Variants in MCC observed in about 807,000 individuals in gnomAD.
MCC encodes the protein colorectal mutant cancer protein.
MCC carries 90 observed loss-of-function variants against 116.2 expected under a neutral mutation model. That is an observed-to-expected ratio of 0.77 (90% CI 0.65 to 0.92). The LOEUF is 0.92. Ranked by LOEUF, MCC falls within the 40% of genes least tolerant of loss-of-function variation. The probability of loss-of-function intolerance (pLI) is 0.00; values close to 1 mark genes in which losing one functional copy is unlikely to be tolerated. For synonymous variants in MCC, 578 were observed against 510.5 expected, an observed-to-expected ratio of 1.13 and a Z score of -1.78; for missense variants, 1,516 against 1,312.2, an observed-to-expected ratio of 1.16 and a Z score of -2.40.
chr5:113,463,517 G>C (rs140496331), intron 1 of MCC, among the ~76,000 whole-genome samples: 62 of 152,292 alleles, frequency 4.1e-4, no homozygotes, highest in African/African-American at 1.4e-3. Context: ...GAAAAGGAGA[G>C]CTCAAGGATC....
At chr5:113,142,856 G>A (rs1759259194) in intron 5 of MCC, among the ~76,000 whole-genome samples, 1 of 52,064 alleles carries the variant, frequency 1.9e-5, no homozygotes, top group Admixed American at 3.2e-4. Flanking sequence ...CAGCAGGGAT[G>A]CTCGTCTCTA....
intron 8 of MCC, among the ~76,000 whole-genome samples, chr5:113,087,591 G>A (rs1206184609): frequency 6.6e-6 from 1 of 152,144 alleles, no homozygotes; most frequent in Non-Finnish European, 1.5e-5. Flanking sequence ...CCTCCCGGTG[G>A]AGACTTGCAA....
intron 8 of MCC, among the ~76,000 whole-genome samples, chr5:113,097,756 C>A (rs1756116645): frequency 6.6e-6 from 1 of 152,190 alleles, no homozygotes; most frequent in African/African-American, 2.4e-5. Flanking sequence ...CTCCTGGGCT[C>A]AAGCAATCCT....
chr5:113,419,965 T>G (rs1180151662), intron 1 of MCC, among the ~76,000 whole-genome samples: 1 of 151,044 alleles, frequency 6.6e-6, no homozygotes, highest in African/African-American at 2.4e-5. Flanking sequence ...GGCACATGTA[T>G]ACATATGTAA....
Position 113,032,282 on chromosome 5 carries a change from C to G in MCC, c.2757-3226G>C, listed in dbSNP as rs370878995. Among the ~76,000 whole-genome samples the G allele has an allele frequency of 1.1e-4, 16 of 152,194 alleles. No homozygotes were observed. The East Asian group carries it at 1.2e-3, about 11-fold the overall frequency. The stretch of plus-strand genomic sequence containing the variant: ...AATTAGCTGGGTGTGGTGGCGCTTG[C>G]CTGTAATCTCAGCTACTTGGGAGCC... On this transcript the variant is annotated intron_variant, in intron 17 of 18. Transcript: ENST00000408903.
chr5:113,064,399 G>C (rs185648598), intron 13 of MCC, among the ~76,000 whole-genome samples: 1 of 152,346 alleles, frequency 6.6e-6, no homozygotes, highest in African/African-American at 2.4e-5. Flanking sequence ...TGGCCTCAGG[G>C]ACAAGTGTAG....
rs765869488 is a variant in MCC at position 113,023,412 on chromosome 5, T to C, written c.*3890A>G. ...GGATAAGAAAATTTGCTGTATGTTT[T>C]CCTGAAAAATTTTATAGTGTTCTAC... On this transcript the variant is annotated 3_prime_UTR_variant, in exon 19 of 19. Coordinates refer to ENST00000408903, the MANE Select transcript of MCC (RefSeq NM_001085377.2). 1 of 152,230 alleles carries C rather than the reference T, an allele frequency of 6.6e-6. No individual in the cohort carries two copies. The highest frequency in any genetic ancestry group is 1.5e-5 in the Non-Finnish European group (1 of 68,052). 9.4% of individuals were successfully genotyped at this position (152,230 alleles called of 1,614,324 possible). A position where few individuals can be genotyped will look rare whatever the true frequency, so the allele number is the denominator to read the frequency against.
At chr5:113,440,850 T>C (rs1040801636) in intron 1 of MCC, among the ~76,000 whole-genome samples, 1 of 152,222 alleles carries the variant, frequency 6.6e-6, no homozygotes, top group Non-Finnish European at 1.5e-5. Context: ...ATAATTACTA[T>C]GGCTGATAAT....
rs180826617 is a variant in MCC at position 113,109,061 on chromosome 5, A to G, written c.1028-4706T>C. Among the ~76,000 whole-genome samples, 30 of 152,362 alleles carry G rather than the reference A, an allele frequency of 2.0e-4. No homozygotes were observed. The East Asian group carries it at 5.8e-3, about 29-fold the overall frequency. ...CAAGCACTTATCACCACTCACCGCCAGCATCCACATGGCTCCAGACAGAAC... is the reference window on the plus strand; with the variant it reads ...CAAGCACTTATCACCACTCACCGCCGGCATCCACATGGCTCCAGACAGAAC... On this transcript the variant is annotated intron_variant, in intron 6 of 18. Transcript: ENST00000408903.
chr5:113,475,027 T>G (rs1480826036), intron 1 of MCC, among the ~76,000 whole-genome samples: 3 of 152,248 alleles, frequency 2.0e-5, no homozygotes, highest in Non-Finnish European at 4.4e-5. Context: ...TTAAAGGAAA[T>G]GCAGCCACAT....
intron 3 of MCC, among the ~76,000 whole-genome samples, chr5:113,154,765 G>A (rs1243662886): frequency 2.0e-5 from 3 of 152,108 alleles, no homozygotes; most frequent in Admixed American, 2.0e-4. Context: ...CTTTTTTACT[G>A]AAATATAATA....
chr5:113,243,706 CAA>C (rs1491207455), intron 3 of MCC, among the ~76,000 whole-genome samples: 24,245 of 152,104 alleles, frequency 0.16, 2,264 homozygotes, highest in Admixed American at 0.29. Flanking sequence ...GTCACTGGCT[CAA>C]TTGCCTCCTG....
chr5:113,243,346 G>A (rs1236854714), intron 3 of MCC, among the ~76,000 whole-genome samples: 1 of 152,084 alleles, frequency 6.6e-6, no homozygotes, highest in African/African-American at 2.4e-5. Flanking sequence ...AGCTTCGGCA[G>A]CTATAGGATA....
At chr5:113,384,459 G>A (rs1047107603) in intron 2 of MCC, among the ~76,000 whole-genome samples, 3 of 152,072 alleles carry the variant, frequency 2.0e-5, no homozygotes, top group East Asian at 3.9e-4. Flanking sequence ...GTGGTAGCAG[G>A]TGCCTGTAGT....
intron 4 of MCC, among the ~76,000 whole-genome samples, chr5:113,145,588 C>T (rs945392296): frequency 6.6e-6 from 1 of 152,144 alleles, no homozygotes; most frequent in African/African-American, 2.4e-5. Flanking sequence ...AAAGGCACAC[C>T]ATCAATAAAA....
At chr5:113,327,105 C>T (rs1767572985) in intron 3 of MCC, among the ~76,000 whole-genome samples, 3 of 152,012 alleles carry the variant, frequency 2.0e-5, no homozygotes, top group Admixed American at 2.0e-4. Context: ...AGCGGCATTG[C>T]TTGGGAGAGG....
At chr5:113,119,332 GC>G (rs985801362) in intron 6 of MCC, among the ~76,000 whole-genome samples, 1 of 152,206 alleles carries the variant, frequency 6.6e-6, no homozygotes, top group African/African-American at 2.4e-5. Context: ...GAAGCAAGTG[GC>G]TGCCTGAGAG....
At chr5:113,229,774 T>TACAGTAC (rs1222379434) in intron 3 of MCC, among the ~76,000 whole-genome samples, 1 of 152,206 alleles carries the variant, frequency 6.6e-6, no homozygotes, top group Non-Finnish European at 1.5e-5. Flanking sequence ...TACTATTGGC[T>TACAGTAC]ACAGTACTCA....
chr5:113,050,212 G>A (rs1376441308), intron 15 of MCC, among the ~76,000 whole-genome samples: 1 of 152,228 alleles, frequency 6.6e-6, no homozygotes, highest in Non-Finnish European at 1.5e-5. Context: ...ACAGATTGCA[G>A]CCAAGCTGTC....
Sources: allele counts gnomAD v4.1 joint callset (sites outside exome capture counted in the v4.1 genomes callset), GRCh38; gene constraint gnomAD v4.1.1; transcripts MANE v1.5; gene names NCBI Gene and HGNC (gene_info 2026-07-23, HGNC 2026-07-21).